NCAPG2: variants seen among roughly 807,000 people sequenced by gnomAD.
The protein encoded by NCAPG2 is non-SMC condensin II complex subunit G2, also known as condensin-2 complex subunit G2.
In NCAPG2, 53 loss-of-function variants were observed where a neutral mutation model predicts 141.1. The observed-to-expected ratio is 0.38, with a 90% CI of 0.30 to 0.47. NCAPG2 has a LOEUF of 0.47. Among genes scored for constraint, NCAPG2 ranks in the 20% least tolerant of loss-of-function variants. NCAPG2 has a pLI of 0.99. For missense variants in NCAPG2, 1,087 were observed against 1,389.0 expected, an observed-to-expected ratio of 0.78 and a Z score of 3.46; for synonymous variants, 499 against 490.7, an observed-to-expected ratio of 1.02 and a Z score of -0.22.
chr7:158,667,345 G>T (rs1222136464), intron 13 of NCAPG2: 2 of 106,930 alleles, frequency 1.9e-5, no homozygotes, highest in African/African-American at 5.0e-4. Flanking sequence ...GTGTCCCTCC[G>T]CTCCTTAGCC....
chr7:158,667,167 C>G, intron 13 of NCAPG2: 2 of 985,422 alleles, frequency 2.0e-6, no homozygotes, highest in Non-Finnish European at 2.4e-6. Context: ...AAATGGCTGT[C>G]TGCCTTGCAC....
At chr7:158,658,149 T>C (rs372793270) in intron 17 of NCAPG2, among the ~76,000 whole-genome samples, 189 bp downstream of exon 17, 12 of 97,500 alleles carry the variant, frequency 1.2e-4, no homozygotes, top group Admixed American at 2.9e-4. Flanking sequence ...GAATGATCAA[T>C]AAAAAAAAAA....
chr7:158,687,342 A>G lies in NCAPG2; in HGVS notation c.767+6T>C. 6.3e-7 allele frequency: 1 copy of G among 1,592,788 alleles called. No homozygotes were observed. On this transcript the variant is annotated splice_donor_region_variant and intron_variant, in intron 7 of 27. Coordinates refer to ENST00000356309, the MANE Select transcript of NCAPG2 (RefSeq NM_017760.7). ...GCACAAAATCTTCAGTACTTTTAACACTTACTTTTGTAATCCCTGTAACTG... is the reference window on the plus strand; with the variant it reads ...GCACAAAATCTTCAGTACTTTTAACGCTTACTTTTGTAATCCCTGTAACTG...
intron 27 of NCAPG2, among the ~76,000 whole-genome samples, chr7:158,632,342 T>C (rs1351213030): frequency 6.6e-6 from 1 of 152,184 alleles, no homozygotes; most frequent in Non-Finnish European, 1.5e-5. Context: ...GAATCATTAT[T>C]AGACAGGTAG....
At chr7:158,663,324 T>G (rs1217412732) in intron 15 of NCAPG2, among the ~76,000 whole-genome samples, 1 of 152,274 alleles carries the variant, frequency 6.6e-6, no homozygotes, top group Non-Finnish European at 1.5e-5. Flanking sequence ...CCAACGGCTG[T>G]GAAGACGGAA....
At chr7:158,671,692 T>G in intron 12 of NCAPG2, 26 bp from the exon 13 acceptor site, 2 of 1,608,812 alleles carry the variant, frequency 1.2e-6, no homozygotes, top group Non-Finnish European at 1.7e-6. Flanking sequence ...AGATAAACAA[T>G]TCAAAATCAG....
intron 1 of NCAPG2, 97 bp from the exon 2 acceptor site, chr7:158,702,035 C>T (rs528801215): frequency 1.3e-5 from 9 of 695,914 alleles, no homozygotes; most frequent in Non-Finnish European, 1.9e-5. Flanking sequence ...AAGAAAATTC[C>T]TCAACCACGT....
Position 158,643,373 on chromosome 7 carries a change from G to T in NCAPG2, c.3380+916C>A, listed in dbSNP as rs532090064. On this transcript the variant is annotated intron_variant, in intron 27 of 27. Transcript: ENST00000356309. ...TGGGACTATAGGCATGAGTCACCGT[G>T]CCCAGCCTAATTTTTGTATTTTTAG... Among the ~76,000 whole-genome samples, 3 of 151,598 alleles carry T rather than the reference G, an allele frequency of 2.0e-5. No individual in the cohort carries two copies. The South Asian group carries it at 6.3e-4, about 32-fold the overall frequency.
chr7:158,671,964 A>T lies in NCAPG2; in HGVS notation c.1327-298T>A, dbSNP rs115443609. ...CTCTCTCTCAGCTAAATTTTAGAGA[A>T]TTTTTGAGTTGAAAGAAACACAGAA... On this transcript the variant is annotated intron_variant, in intron 12 of 27. Transcript: ENST00000356309. Among the ~76,000 whole-genome samples the T allele has an allele frequency of 5.5e-3, 834 of 152,268 alleles. 8 individuals are homozygous for T. The highest frequency in any genetic ancestry group is 0.019 in the African/African-American group (797 of 41,546).
chr7:158,686,969 C>T (rs369913318), intron 7 of NCAPG2, among the ~76,000 whole-genome samples: 6 of 152,162 alleles, frequency 3.9e-5, no homozygotes, highest in Non-Finnish European at 5.9e-5. Context: ...ATGACTGCAA[C>T]GTTCCCTGCT....
At chr7:158,660,718 T>C (rs922974925) in intron 16 of NCAPG2, among the ~76,000 whole-genome samples, 1 of 152,210 alleles carries the variant, frequency 6.6e-6, no homozygotes. Flanking sequence ...GCCCAGCTAA[T>C]GAGCTTTACC....
At chr7:158,655,575 T>G in intron 19 of NCAPG2, 120 bp from the exon 20 acceptor site, 1 of 680,942 alleles carries the variant, frequency 1.5e-6, no homozygotes, top group Non-Finnish European at 2.4e-6. Flanking sequence ...CCCGCTCTGG[T>G]GAAGCCCAGT....
intron 25 of NCAPG2, 117 bp downstream of exon 25, chr7:158,646,343 T>C (rs1831014453): frequency 3.0e-6 from 2 of 664,566 alleles, no homozygotes; most frequent in Non-Finnish European, 2.5e-6. Context: ...TGAAACATTT[T>C]TCTCATAGAA....
At chr7:158,641,326 A>C (rs1293985512) in intron 27 of NCAPG2, 2 of 407,164 alleles carry the variant, frequency 4.9e-6, no homozygotes, top group Non-Finnish European at 8.7e-6. Flanking sequence ...CATATGCACC[A>C]ATTTTAAGAC....
rs1831229105 is a variant in NCAPG2 at position 158,648,676 on chromosome 7, CCACAACCACGCCAAA to C, written c.3076-2128_3076-2114del. Reference sequence around the variant, plus strand: ...ATGGACCACAACCACGCCAAATGGACCACAACCACGCCAAATGGACCACAACCACGCCAAATGGAC... The same window carrying C: ...ATGGACCACAACCACGCCAAATGGACTGGACCACAACCACGCCAAATGGAC... On this transcript the variant is annotated intron_variant, in intron 24 of 27. Coordinates refer to ENST00000356309, the MANE Select transcript of NCAPG2 (RefSeq NM_017760.7). Among the ~76,000 whole-genome samples, 4 of 42,410 alleles carry C rather than the reference CCACAACCACGCCAAA, an allele frequency of 9.4e-5. 1 individual carries two copies. The highest frequency in any genetic ancestry group is 1.0e-3 in the South Asian group (1 of 986). 27.8% of individuals were successfully genotyped at this position (42,410 alleles called of 152,430 possible).
At position 158,664,552 on chromosome 7, in the gene NCAPG2, C is replaced by A. The variant is rs777220236; in HGVS notation, c.1678G>T (p.Glu560Ter). 6.2e-7 allele frequency: 1 copy of A among 1,614,094 alleles called. No individual in the cohort carries two copies. Among genetic ancestry groups the A allele is most frequent in the Non-Finnish European group, 8.5e-7 (1 of 1,180,018 alleles). ...AARRFYQYAH[E>*]HTACTNIAKL... is the part of the protein sequence containing the mutation. ...CCTATGTTGGTGCAGGCGGTGTGTT[C>A]GTGGGCGTACTGATAGAACCTCCTG... is the stretch of plus-strand genomic sequence containing the variant. The change falls in exon 14 of 28, where the codon GAA becomes TAA. Residue 560 changes from glutamate (E) to a stop codon, truncating the protein, a stop_gained. Coordinates refer to ENST00000356309, the MANE Select transcript of NCAPG2 (RefSeq NM_017760.7). LOFTEE classifies it high-confidence loss of function.
In NCAPG2 at chr7:158,671,643, G is replaced by A. The variant is rs1302858933; in HGVS notation, c.1350C>T (p.Asn450=). ...VFKCLPMILD[N]KLSHPLLEQL... ...GCTCTAACAATGGGTGGCTCAGTTT[G>A]TTGTCCAAAATCATTGGCAGACACT... Residue 450 remains asparagine, a synonymous_variant, in exon 13 of 28, where the codon AAC becomes AAT. Transcript: ENST00000356309. 1.2e-6 allele frequency: 2 copies of A among 1,614,148 alleles called. No homozygotes were observed. Among genetic ancestry groups the A allele is most frequent in the Non-Finnish European group, 8.5e-7 (1 of 1,180,032 alleles).
In NCAPG2 at chr7:158,664,269, C is replaced by A. The variant is rs910613990; in HGVS notation, c.1730G>T (p.Cys577Phe). Residue 577 changes from cysteine (C) to phenylalanine (F), a missense_variant, in exon 15 of 28, where the codon TGC (cysteine) becomes TTC (phenylalanine). Coordinates refer to ENST00000356309, the MANE Select transcript of NCAPG2 (RefSeq NM_017760.7). ...TGCCCTCTGGATACAGGCATTTAAG[C>A]AATGACGAATAACGTGAATCAGCTT... ...IAKLIHVIRH[C>F]LNACIQRAVR... is the part of the protein sequence containing the mutation. The A allele has an allele frequency of 6.2e-7, 1 of 1,613,690 alleles. No individual in the cohort carries two copies. Among genetic ancestry groups the A allele is most frequent in the Non-Finnish European group, 8.5e-7 (1 of 1,179,612 alleles).
intron 16 of NCAPG2, among the ~76,000 whole-genome samples, chr7:158,659,025 TAAA>T (rs55893307): frequency 1.0e-4 from 10 of 97,718 alleles, no homozygotes; most frequent in East Asian, 2.9e-4. Context: ...GCATTATATT[TAAA>T]AAAAAAAAAA....
Sources: gnomAD v4.1 joint callset for allele counts (sites outside exome capture counted in the v4.1 genomes callset) on GRCh38, gnomAD v4.1.1 for gene constraint, MANE v1.5 for transcripts, NCBI Gene and HGNC (gene_info 2026-07-23, HGNC 2026-07-21) for gene names.